PTPRG: variants seen among roughly 807,000 people sequenced by gnomAD.
PTPRG encodes the protein receptor-type tyrosine-protein phosphatase gamma.
A neutral mutation model predicts 165.3 loss-of-function variants in PTPRG; 102 were observed. The observed-to-expected ratio is 0.62, with a 90% CI of 0.53 to 0.73. PTPRG has a LOEUF of 0.73. Ranked by LOEUF, PTPRG falls within the 30% of genes least tolerant of loss-of-function variation. PTPRG has a pLI of 0.00. For synonymous variants in PTPRG, 675 were observed against 669.5 expected (o/e 1.01, Z -0.13); for missense variants, 1,866 against 1,861.4 (o/e 1.00, Z -0.05).
chr3:62,152,475 G>T (rs1030851442), intron 6 of PTPRG, among the ~76,000 whole-genome samples: 1 of 152,200 alleles, frequency 6.6e-6, no homozygotes, highest in African/African-American at 2.4e-5. Flanking sequence ...AGTCTGGCCA[G>T]TTGAGCCCCT....
intron 1 of PTPRG, among the ~76,000 whole-genome samples, chr3:61,668,691 T>A (rs927666216): frequency 6.6e-6 from 1 of 152,214 alleles, no homozygotes; most frequent in Non-Finnish European, 1.5e-5. Context: ...TAAAAAAGGT[T>A]ACTTTGTGAA....
intron 5 of PTPRG, among the ~76,000 whole-genome samples, chr3:62,094,428 T>C (rs1702041982): frequency 6.6e-6 from 1 of 151,930 alleles, no homozygotes; most frequent in Non-Finnish European, 1.5e-5. Context: ...CCACTTCTTC[T>C]GCAGGTCGCT....
chr3:62,041,562 T>A (rs1700131693), intron 4 of PTPRG, among the ~76,000 whole-genome samples: 1 of 152,174 alleles, frequency 6.6e-6, no homozygotes, highest in African/African-American at 2.4e-5. Flanking sequence ...AATTCTGAAT[T>A]TTAGATTTCT....
intron 2 of PTPRG, among the ~76,000 whole-genome samples, chr3:61,937,261 T>A (rs1481172585): frequency 1.3e-5 from 2 of 152,192 alleles, no homozygotes; most frequent in African/African-American, 4.8e-5. Context: ...CCCACCAGAT[T>A]TGGCGTCCCT....
intron 1 of PTPRG, among the ~76,000 whole-genome samples, chr3:61,632,218 G>A (rs1424117049): frequency 1.3e-5 from 2 of 152,150 alleles, no homozygotes; most frequent in Non-Finnish European, 2.9e-5. Context: ...TGAGGCAGGA[G>A]GATCACCTGA....
chr3:62,079,476 A>G, intron 5 of PTPRG, among the ~76,000 whole-genome samples: 1 of 152,232 alleles, frequency 6.6e-6, no homozygotes, highest in East Asian at 1.9e-4. Flanking sequence ...ATAAGTCAGA[A>G]AATATCCGTA....
chr3:62,277,022 G>A lies in PTPRG; in HGVS notation c.3610G>A (p.Asp1204Asn). The A allele has an allele frequency of 6.2e-7, 1 of 1,612,902 alleles. No individual in the cohort carries two copies. The highest frequency in any genetic ancestry group is 8.5e-7 in the Non-Finnish European group (1 of 1,179,172). The part of the protein sequence containing the change: ...LAPLPGMKGT[D>N]YINASYIMGY... The stretch of plus-strand genomic sequence containing the variant: ...ACCATTGCCTGGAATGAAAGGAACA[G>A]ATTACATTAATGCTTCTTATATCAT... Residue 1204 changes from aspartate to asparagine, a missense_variant, in exon 25 of 30, where the codon GAT (aspartate) becomes AAT (asparagine). By Grantham distance (23) the Asp-to-Asn change is conservative (BLOSUM62 1). Around this residue, in one of 3 missense-constraint regions of PTPRG, gnomAD observed 1,452 missense variants for 1,463.0 expected, o/e 0.99. Coordinates refer to ENST00000474889, the MANE Select transcript of PTPRG (RefSeq NM_002841.4).
chr3:61,972,539 A>G (rs907018035), intron 2 of PTPRG, among the ~76,000 whole-genome samples: 3 of 152,228 alleles, frequency 2.0e-5, no homozygotes, highest in Admixed American at 1.3e-4. Context: ...AGTCATTTCT[A>G]GGACAGGTGA....
At chr3:61,589,358 A>G (rs1446103785) in intron 1 of PTPRG, among the ~76,000 whole-genome samples, 1 of 152,202 alleles carries the variant, frequency 6.6e-6, no homozygotes, top group Non-Finnish European at 1.5e-5. Flanking sequence ...GTTGAATGAT[A>G]TGTTCCAGGT....
chr3:61,606,340 G>T (rs906055833), intron 1 of PTPRG, among the ~76,000 whole-genome samples: 2 of 152,274 alleles, frequency 1.3e-5, no homozygotes, highest in East Asian at 3.9e-4. Flanking sequence ...ACAAGGTGGT[G>T]GGGGTGCGGG....
chr3:62,255,563 A>G lies in PTPRG; in HGVS notation c.2559+348A>G, dbSNP rs974031628. ...TCCCTAATTCCATGTCTTTTCTGCA[A>G]TGCACATGGTATAGTGAAGATAGCA... On this transcript the variant is annotated intron_variant, in intron 16 of 29. Transcript: ENST00000474889. The surrounding 1 kb of genome is among the most constrained non-coding windows in gnomAD (Gnocchi z 4.0). Among the ~76,000 whole-genome samples the G allele has an allele frequency of 1.3e-5, 2 of 152,146 alleles. No individual in the cohort carries two copies. Among genetic ancestry groups the G allele is most frequent in the Admixed American group, 6.6e-5 (1 of 15,252 alleles).
rs1228035009 is a variant in PTPRG at position 62,224,695 on chromosome 3, C to T, written c.2288+5712C>T. Among the ~76,000 whole-genome samples, 1 of 152,202 alleles carries T rather than the reference C, an allele frequency of 6.6e-6. No homozygotes were observed. The highest frequency in any genetic ancestry group is 1.5e-5 in the Non-Finnish European group (1 of 68,040). Reference sequence around the variant, plus strand: ...AACTAAAAACCATGAGCAGAAACCTCGGATACCTGTATGTCTGAGAGACCT... The same window carrying T: ...AACTAAAAACCATGAGCAGAAACCTTGGATACCTGTATGTCTGAGAGACCT... On this transcript the variant is annotated intron_variant, in intron 13 of 29. Transcript: ENST00000474889. This position sits in a 1 kb window ranked among gnomAD's most constrained non-coding sequence, Gnocchi z 4.9.
intron 1 of PTPRG, among the ~76,000 whole-genome samples, chr3:61,665,639 C>G (rs1214288971): frequency 6.6e-6 from 1 of 151,520 alleles, no homozygotes; most frequent in East Asian, 1.9e-4. Flanking sequence ...GGCTAGGCAA[C>G]CTAGTGAGAC....
chr3:61,809,895 T>A (rs946222951), intron 2 of PTPRG, among the ~76,000 whole-genome samples: 2 of 152,134 alleles, frequency 1.3e-5, no homozygotes, highest in Non-Finnish European at 2.9e-5. Flanking sequence ...AGCAGAACAG[T>A]TTTCCCCCAG....
chr3:61,758,810 G>A (rs916743939), intron 2 of PTPRG, among the ~76,000 whole-genome samples: 1 of 152,104 alleles, frequency 6.6e-6, no homozygotes, highest in Non-Finnish European at 1.5e-5. Context: ...GGTCTTGGTA[G>A]CAGTAAGAAG....
intron 1 of PTPRG, among the ~76,000 whole-genome samples, chr3:61,642,578 G>C (rs1314162083): frequency 6.6e-6 from 1 of 152,132 alleles, no homozygotes; most frequent in Non-Finnish European, 1.5e-5. Flanking sequence ...GACTCCACCT[G>C]TTCTCCTTAC....
chr3:61,616,972 G>T (rs1469827136), intron 1 of PTPRG, among the ~76,000 whole-genome samples: 1 of 152,194 alleles, frequency 6.6e-6, no homozygotes, highest in Non-Finnish European at 1.5e-5. Context: ...GCATAAAGTA[G>T]GTAGACAGAG....
At chr3:61,762,468 G>C (rs544950171) in intron 2 of PTPRG, among the ~76,000 whole-genome samples, 250 of 152,142 alleles carry the variant, frequency 1.6e-3, no homozygotes, top group African/African-American at 5.5e-3. Flanking sequence ...AAAAGTAGCC[G>C]GGTGTAGTGG....
At chr3:61,880,716 G>A (rs1176586910) in intron 2 of PTPRG, among the ~76,000 whole-genome samples, 2 of 151,818 alleles carry the variant, frequency 1.3e-5, no homozygotes, top group Non-Finnish European at 1.5e-5. Flanking sequence ...GAATGAGAAC[G>A]TGATTGCATG....
Sources: allele counts gnomAD v4.1 joint callset (sites outside exome capture counted in the v4.1 genomes callset), GRCh38; gene constraint gnomAD v4.1.1; regional missense constraint gnomAD v4.1.1; non-coding constraint Gnocchi (gnomAD v3.1); transcripts MANE v1.5; gene names NCBI Gene and HGNC (gene_info 2026-07-23, HGNC 2026-07-21).